Variants in KHDRBS2 observed in about 807,000 individuals in gnomAD.
KHDRBS2 encodes KH domain-containing, RNA-binding, signal transduction-associated protein 2.
In KHDRBS2, 26 loss-of-function variants were observed where a neutral mutation model predicts 44.3. That is an observed-to-expected ratio of 0.59 (90% confidence interval 0.43 to 0.81). The LOEUF is 0.81. KHDRBS2 is among the 40% of genes least tolerant of loss of function. The probability of loss-of-function intolerance (pLI) is 0.00; values close to 1 mark genes in which losing one functional copy is unlikely to be tolerated. For missense variants in KHDRBS2, 476 were observed against 433.1 expected, an observed-to-expected ratio of 1.10 and a Z score of -0.88; for synonymous variants, 194 against 151.1, an observed-to-expected ratio of 1.28 and a Z score of -2.08.
At chr6:62,205,082 C>T (rs767235907) in intron 1 of KHDRBS2, among the ~76,000 whole-genome samples, 24 of 152,014 alleles carry the variant, frequency 1.6e-4, no homozygotes, top group Non-Finnish European at 2.9e-4. Flanking sequence ...ATTCAGATTG[C>T]CTAAACTTGA....
At chr6:62,129,165 T>C (rs1195793424) in intron 2 of KHDRBS2, among the ~76,000 whole-genome samples, 3 of 152,148 alleles carry the variant, frequency 2.0e-5, no homozygotes, top group Non-Finnish European at 4.4e-5. Flanking sequence ...TTTTATGGAT[T>C]AAAACAGTGT....
chr6:61,612,723 C>G, the KHDRBS2 span, among the ~76,000 whole-genome samples: 1 of 151,940 alleles, frequency 6.6e-6, no homozygotes, highest in East Asian at 1.9e-4. Flanking sequence ...AGTTTAGAAA[C>G]TTGCCCAAGT....
chr6:61,592,346 AG>A, the KHDRBS2 span, among the ~76,000 whole-genome samples: 7 of 152,200 alleles, frequency 4.6e-5, no homozygotes, highest in Non-Finnish European at 5.9e-5. Context: ...AGTAAAAATA[AG>A]GGCCTGAACC....
At chr6:61,910,745 A>G (rs1805903839) in intron 4 of KHDRBS2, among the ~76,000 whole-genome samples, 1 of 152,192 alleles carries the variant, frequency 6.6e-6, no homozygotes, top group Non-Finnish European at 1.5e-5. Context: ...ACCCTAGAAA[A>G]TCAATCACTC....
chr6:61,953,737 T>G (rs985513214), intron 4 of KHDRBS2, among the ~76,000 whole-genome samples: 1 of 152,134 alleles, frequency 6.6e-6, no homozygotes, highest in East Asian at 1.9e-4. Context: ...TTGCTGACAC[T>G]GTTGGAGAGA....
At chr6:61,953,032 AC>A (rs1765099334) in intron 4 of KHDRBS2, among the ~76,000 whole-genome samples, 1 of 152,002 alleles carries the variant, frequency 6.6e-6, no homozygotes, top group African/African-American at 2.4e-5. Flanking sequence ...AATTATACTT[AC>A]TCAAAGTTAA....
intron 1 of KHDRBS2, among the ~76,000 whole-genome samples, chr6:62,198,304 T>C (rs1399451443): frequency 6.6e-6 from 1 of 152,056 alleles, no homozygotes; most frequent in East Asian, 1.9e-4. Context: ...AAGAGTGGTT[T>C]TTTGAAACGA....
At chr6:62,082,310 G>GGGGTGTGT (rs1797551897) in intron 2 of KHDRBS2, among the ~76,000 whole-genome samples, 1 of 149,038 alleles carries the variant, frequency 6.7e-6, no homozygotes, top group African/African-American at 2.5e-5. Flanking sequence ...AATACACACT[G>GGGGTGTGT]GTGTGTGTGT....
chr6:62,224,601 T>G (rs1831454214), intron 1 of KHDRBS2, among the ~76,000 whole-genome samples: 1 of 152,208 alleles, frequency 6.6e-6, no homozygotes, highest in Non-Finnish European at 1.5e-5. Context: ...AAGAATTATT[T>G]TGGCATACAC....
At chr6:61,998,333 T>C (rs1777600117) in intron 3 of KHDRBS2, among the ~76,000 whole-genome samples, 1 of 152,146 alleles carries the variant, frequency 6.6e-6, no homozygotes, top group African/African-American at 2.4e-5. Flanking sequence ...ATTTTACTCA[T>C]ACTATAATAA....
At chr6:61,838,578 T>C (rs1385346364) in intron 6 of KHDRBS2, among the ~76,000 whole-genome samples, 3 of 151,974 alleles carry the variant, frequency 2.0e-5, no homozygotes, top group Non-Finnish European at 4.4e-5. Context: ...AACCTATATA[T>C]AGTCTTGAAT....
intron 3 of KHDRBS2, among the ~76,000 whole-genome samples, chr6:62,025,700 A>C (rs1584234134): frequency 6.6e-6 from 1 of 151,902 alleles, no homozygotes; most frequent in Non-Finnish European, 1.5e-5. Flanking sequence ...TTGGTTTATA[A>C]GTTTCTTAAG....
the KHDRBS2 span, among the ~76,000 whole-genome samples, chr6:61,546,005 T>C: frequency 6.6e-6 from 1 of 152,166 alleles, no homozygotes; most frequent in African/African-American, 2.4e-5. Context: ...GTTTAAGCCA[T>C]ACAGCTCCTC....
At chr6:62,073,530 C>CTTTT (rs60124030) in intron 2 of KHDRBS2, among the ~76,000 whole-genome samples, 9 of 124,408 alleles carry the variant, frequency 7.2e-5, no homozygotes, top group South Asian at 5.1e-4. Flanking sequence ...TTTCTTTTTT[C>CTTTT]TTTTTTTTTT....
At chr6:61,643,621 T>G in the KHDRBS2 span, among the ~76,000 whole-genome samples, 2 of 152,100 alleles carry the variant, frequency 1.3e-5, no homozygotes, top group African/African-American at 4.8e-5. Context: ...TTTCAGGACA[T>G]GAAATCAATG....
the KHDRBS2 span, among the ~76,000 whole-genome samples, chr6:61,544,831 C>CA: frequency 2.6e-4 from 40 of 151,856 alleles, no homozygotes; most frequent in African/African-American, 9.0e-4. Context: ...ATCACAAGGA[C>CA]AAAAAACCAA....
At chr6:61,935,196 C>T (rs1283968581) in intron 4 of KHDRBS2, among the ~76,000 whole-genome samples, 2 of 152,126 alleles carry the variant, frequency 1.3e-5, no homozygotes, top group Non-Finnish European at 2.9e-5. Flanking sequence ...GAGTAGAGGG[C>T]ATGAGGTAGT....
At chr6:61,799,339 T>C (rs899671794) in intron 6 of KHDRBS2, among the ~76,000 whole-genome samples, 2 of 151,954 alleles carry the variant, frequency 1.3e-5, no homozygotes, top group Non-Finnish European at 2.9e-5. Flanking sequence ...CTAAGAATAA[T>C]AGTTATTTCT....
chr6:61,819,968 A>T (rs1789622470), intron 6 of KHDRBS2, among the ~76,000 whole-genome samples: 1 of 152,062 alleles, frequency 6.6e-6, no homozygotes, highest in Non-Finnish European at 1.5e-5. Flanking sequence ...CACCCTGTGA[A>T]GTGTGTAGCA....
Sources: gnomAD v4.1 joint callset for allele counts (sites outside exome capture counted in the v4.1 genomes callset) on GRCh38, gnomAD v4.1.1 for gene constraint, MANE v1.5 for transcripts, NCBI Gene and HGNC (gene_info 2026-07-23, HGNC 2026-07-21) for gene names.